The following STRN variants were observed in gnomAD, a reference collection of about 807,000 sequenced individuals.
STRN encodes protein phosphatase 2 regulatory subunit B'''alpha.
STRN carries 53 observed loss-of-function variants against 96.3 expected under a neutral mutation model. The ratio of observed to expected loss-of-function variants is 0.55; its 90% CI spans 0.44 to 0.69. The LOEUF is 0.69. STRN is among the 30% of genes least tolerant of loss of function. The pLI is 0.00. For missense variants in STRN, 987 were observed against 963.9 expected, an observed-to-expected ratio of 1.02 and a Z score of -0.32; for synonymous variants, 428 against 355.9, an observed-to-expected ratio of 1.20 and a Z score of -2.28.
chr2:36,912,423 C>G (rs929718081), intron 3 of STRN, among the ~76,000 whole-genome samples: 40 of 152,200 alleles, frequency 2.6e-4, no homozygotes, highest in African/African-American at 8.2e-4. Context: ...GTCACAAAGT[C>G]CTACAGATAT....
At chr2:36,909,019 G>A (rs1272177503) in intron 3 of STRN, among the ~76,000 whole-genome samples, 2 of 151,176 alleles carry the variant, frequency 1.3e-5, no homozygotes, top group East Asian at 1.9e-4. Context: ...AGCTGGGCAA[G>A]GTGGCGCATG....
At chr2:36,889,915 G>A (rs1407820796) in intron 7 of STRN, among the ~76,000 whole-genome samples, 1 of 152,112 alleles carries the variant, frequency 6.6e-6, no homozygotes, top group Non-Finnish European at 1.5e-5. Context: ...CATATAATAG[G>A]CTAGGTAAAA....
At chr2:36,925,057 A>T in intron 2 of STRN, 48 bp downstream of exon 2, 1 of 1,566,592 alleles carries the variant, frequency 6.4e-7, no homozygotes, top group Non-Finnish European at 8.8e-7. Flanking sequence ...ACTCCGTCTC[A>T]AAACAAATAA....
intron 1 of STRN, among the ~76,000 whole-genome samples, chr2:36,935,983 T>C (rs1670691318): frequency 6.6e-6 from 1 of 152,032 alleles, no homozygotes; most frequent in African/African-American, 2.4e-5. Context: ...AACGTTGGTA[T>C]TAACATGTAA....
chr2:36,893,986 T>C lies in STRN; in HGVS notation c.843A>G (p.Thr281=), dbSNP rs1480206275. 6.2e-7 allele frequency: 1 copy of C among 1,613,540 alleles called. No individual in the cohort carries two copies. The highest frequency in any genetic ancestry group is 8.5e-7 in the Non-Finnish European group (1 of 1,179,880). Residue 281 remains threonine, a synonymous_variant, in exon 7 of 18, where the codon ACA becomes ACG. Transcript: ENST00000263918. ...ALPDSGEDRD[T]KEALKEFDFL... ...AGTCAAACTCCTTTAGAGCTTCTTTTGTATCTCGATCTTCACCGCTGTCAG... is the reference window on the plus strand; with the variant it reads ...AGTCAAACTCCTTTAGAGCTTCTTTCGTATCTCGATCTTCACCGCTGTCAG...
At chr2:36,866,155 A>T (rs1177472977) in intron 12 of STRN, among the ~76,000 whole-genome samples, 2 of 151,842 alleles carry the variant, frequency 1.3e-5, no homozygotes, top group Admixed American at 1.3e-4. Flanking sequence ...GCTCACTGCA[A>T]ACTCCACCTC....
intron 1 of STRN, among the ~76,000 whole-genome samples, chr2:36,948,626 A>G (rs191995788): frequency 3.9e-4 from 59 of 152,318 alleles, no homozygotes; most frequent in Non-Finnish European, 6.6e-4. Flanking sequence ...GTTGACTGCT[A>G]TATCCCTAAT....
chr2:36,901,498 G>C (rs893603158), intron 5 of STRN, among the ~76,000 whole-genome samples: 1 of 149,346 alleles, frequency 6.7e-6, no homozygotes, highest in Non-Finnish European at 1.5e-5. Context: ...TTTGCAGTGA[G>C]CTGAGATGGC....
chr2:36,920,142 A>T (rs1434981910), intron 2 of STRN, among the ~76,000 whole-genome samples: 2 of 152,224 alleles, frequency 1.3e-5, no homozygotes, highest in African/African-American at 2.4e-5. Flanking sequence ...AGACTGACAA[A>T]AACATTAACT....
rs1668012973 is a variant in STRN, at chr2:36,844,224, G to A, written c.*5232C>T. 6.6e-6 allele frequency: 1 copy of A among 152,184 alleles called. No individual in the cohort carries two copies. Among genetic ancestry groups the A allele is most frequent in the Admixed American group, 6.5e-5 (1 of 15,270 alleles). The allele number at this position is 152,184 out of a possible 1,614,324, so 9.4% of individuals were successfully genotyped here. ...GGCTGGAAAAAAAGTGTGTGGAGAA[G>A]GGGAGTTGTATTGTTTTCTCACAAG... On this transcript the variant is annotated 3_prime_UTR_variant, in exon 18 of 18. Transcript: ENST00000263918.
rs1667997734 is a variant in STRN, at chr2:36,843,646, G to A, written c.*5810C>T. 2 of 151,934 alleles carry A rather than the reference G, an allele frequency of 1.3e-5. No individual in the cohort carries two copies. Among genetic ancestry groups the A allele is most frequent in the African/African-American group, 4.8e-5 (2 of 41,376 alleles). 9.4% of individuals were successfully genotyped at this position (151,934 alleles called of 1,614,324 possible). On this transcript the variant is annotated 3_prime_UTR_variant, in exon 18 of 18. Transcript: ENST00000263918. ...TTAATTTTGGACTCATGTATACTTT[G>A]TCTAATATCCTTTTATTTCTCTGCA...
At chr2:36,913,316 G>A (rs1405611199) in intron 3 of STRN, among the ~76,000 whole-genome samples, 5 of 152,046 alleles carry the variant, frequency 3.3e-5, no homozygotes, top group Admixed American at 6.6e-5. Context: ...ATCTACATCT[G>A]GAAACATTCC....
intron 11 of STRN, among the ~76,000 whole-genome samples, chr2:36,869,302 T>C (rs1478716573): frequency 6.6e-6 from 1 of 152,184 alleles, no homozygotes; most frequent in African/African-American, 2.4e-5. Context: ...AAAAATACTG[T>C]TATGTATAAA....
chr2:36,942,439 A>C (rs886502859), intron 1 of STRN, among the ~76,000 whole-genome samples: 2 of 152,144 alleles, frequency 1.3e-5, no homozygotes, highest in African/African-American at 4.8e-5. Context: ...TATTCATTCC[A>C]CTATAATTGG....
intron 10 of STRN, among the ~76,000 whole-genome samples, chr2:36,871,019 T>C (rs995792240): frequency 2.0e-5 from 3 of 152,130 alleles, no homozygotes; most frequent in African/African-American, 4.8e-5. Flanking sequence ...AAAAAGCTTA[T>C]AGAGTAAGGA....
chr2:36,948,988 C>G (rs932887682), intron 1 of STRN, among the ~76,000 whole-genome samples: 7 of 152,210 alleles, frequency 4.6e-5, no homozygotes, highest in African/African-American at 1.7e-4. Context: ...ATGTGTTGAA[C>G]AATGACACTT....
rs555613343 is a variant in STRN, at chr2:36,856,868, C to T, written c.1837+988G>A. 2.0e-5 allele frequency among the ~76,000 whole-genome samples: 3 copies of T among 152,194 alleles called. No individual in the cohort carries two copies. The East Asian group carries it at 5.8e-4, about 29-fold the overall frequency. ...GATTTGGTTGTTTAAAAATAGGTCC[C>T]ACCCCCTTCTTCCTCCTGCTCCGGC... On this transcript the variant is annotated intron_variant, in intron 14 of 17. Coordinates refer to ENST00000263918, the MANE Select transcript of STRN (RefSeq NM_003162.4).
Position 36,849,088 on chromosome 2 carries a change from C to T in STRN, c.*368G>A, listed in dbSNP as rs549894013. On this transcript the variant is annotated 3_prime_UTR_variant, in exon 18 of 18. Transcript: ENST00000263918. ...AGTTTCCCGTTTTCTTCTATTCAGT[C>T]CCAGCTATCAAGCTTTTAAATTATC... 1 of 183,630 alleles carries T rather than the reference C, an allele frequency of 5.4e-6. No individual in the cohort carries two copies. Among genetic ancestry groups the T allele is most frequent in the African/African-American group, 2.4e-5 (1 of 42,324 alleles). 11.4% of individuals were successfully genotyped at this position (183,630 alleles called of 1,614,324 possible). A position where few individuals can be genotyped will look rare whatever the true frequency, so the allele number is the denominator to read the frequency against.
intron 15 of STRN, 76 bp from the exon 16 acceptor site, chr2:36,851,183 T>C (rs1316372265): frequency 2.5e-5 from 33 of 1,319,292 alleles, no homozygotes; most frequent in Non-Finnish European, 3.1e-5. Context: ...GAATTATCTA[T>C]CTAAGAGACT....
Sources: allele counts gnomAD v4.1 joint callset (sites outside exome capture counted in the v4.1 genomes callset), GRCh38; gene constraint gnomAD v4.1.1; transcripts MANE v1.5; gene names NCBI Gene and HGNC (gene_info 2026-07-23, HGNC 2026-07-21).